ANO3: variants seen among roughly 807,000 people sequenced by gnomAD.
The protein encoded by ANO3 is anoctamin 3, also known as anoctamin-3.
Under a neutral mutation model 144.8 loss-of-function variants are expected in ANO3, and 99 were observed. The ratio of observed to expected loss-of-function variants is 0.68; its 90% CI spans 0.58 to 0.81. The LOEUF is 0.81. Among genes scored for constraint, ANO3 ranks in the 30% least tolerant of loss-of-function variants. ANO3 has a pLI of 0.00. For missense variants in ANO3, 905 were observed against 1,202.2 expected, an observed-to-expected ratio of 0.75 and a Z score of 3.66; for synonymous variants, 414 against 392.6, an observed-to-expected ratio of 1.05 and a Z score of -0.64.
At chr11:26,350,613 TAA>T (rs1855623596) in intron 1 of ANO3, among the ~76,000 whole-genome samples, 1 of 152,186 alleles carries the variant, frequency 6.6e-6, no homozygotes, top group South Asian at 2.1e-4. Context: ...CAATCTTTTT[TAA>T]AGTTTCCATA....
intron 3 of ANO3, among the ~76,000 whole-genome samples, chr11:26,458,450 G>A (rs1025306685): frequency 1.3e-5 from 2 of 152,050 alleles, no homozygotes; most frequent in Non-Finnish European, 1.5e-5. Context: ...GTTAAAATAG[G>A]TAACACAATT....
intron 1 of ANO3, among the ~76,000 whole-genome samples, chr11:26,410,062 AT>A (rs201982272): frequency 0.016 from 2,457 of 152,074 alleles, 34 homozygotes; most frequent in Non-Finnish European, 0.023. Context: ...TGCTGTTTAC[AT>A]TCATAAATGT....
In ANO3 at chr11:26,598,376, C is replaced by T. The variant is rs745803065; in HGVS notation, c.1459C>T (p.Leu487=). The change falls in exon 15 of 27, where the codon CTG becomes TTG. Residue 487 remains leucine (L), a synonymous_variant. Transcript: ENST00000256737. ...TTTATATTTTATAGCCACAGTCTTC[C>T]TGGAGTTTTGGAAAAGGAGAAGGAG... ...IFMAIWATVF[L]EFWKRRRSIL... 1 of 1,541,702 alleles carries T rather than the reference C, an allele frequency of 6.5e-7. No individual in the cohort carries two copies. The highest frequency in any genetic ancestry group is 1.9e-5 in the Admixed American group (1 of 51,842).
chr11:26,596,907 T>A (rs1193428172), intron 14 of ANO3, among the ~76,000 whole-genome samples: 1 of 152,074 alleles, frequency 6.6e-6, no homozygotes, highest in Admixed American at 6.5e-5. Flanking sequence ...CTAGGAAAAT[T>A]GTGAAAGCAG....
chr11:26,532,563 C>T (rs774807986), intron 8 of ANO3, among the ~76,000 whole-genome samples: 2 of 152,136 alleles, frequency 1.3e-5, no homozygotes, highest in Non-Finnish European at 2.9e-5. Context: ...GCCATAGTTA[C>T]TGCCCAGCAC....
intron 1 of ANO3, among the ~76,000 whole-genome samples, chr11:26,293,392 T>A (rs1004018695): frequency 6.6e-6 from 1 of 151,370 alleles, no homozygotes; most frequent in East Asian, 1.9e-4. Flanking sequence ...AGTGAGCATT[T>A]TTTCTCCCAA....
chr11:26,470,127 G>A (rs931050415), intron 4 of ANO3, among the ~76,000 whole-genome samples: 2 of 151,828 alleles, frequency 1.3e-5, no homozygotes, highest in Non-Finnish European at 2.9e-5. Flanking sequence ...TTCTGGGTGT[G>A]GTAGCTCATG....
intron 14 of ANO3, among the ~76,000 whole-genome samples, chr11:26,570,134 T>G (rs1445284190): frequency 6.6e-6 from 1 of 152,034 alleles, no homozygotes; most frequent in Non-Finnish European, 1.5e-5. Flanking sequence ...ATATTAACAT[T>G]TTTTTTGTTT....
At chr11:26,384,059 C>T (rs944749460) in intron 1 of ANO3, among the ~76,000 whole-genome samples, 8 of 151,270 alleles carry the variant, frequency 5.3e-5, no homozygotes, top group African/African-American at 1.5e-4. Context: ...CACCATAACC[C>T]GGCTAATTTT....
chr11:26,388,879 A>T (rs542566424), intron 1 of ANO3, among the ~76,000 whole-genome samples: 1 of 152,238 alleles, frequency 6.6e-6, no homozygotes, highest in East Asian at 1.9e-4. Context: ...ATCCCTGTAC[A>T]CACGTTTACT....
At chr11:26,364,174 GTTCCAAATCAAATAAGAAATTTTTT>G (rs1564983816) in intron 1 of ANO3, among the ~76,000 whole-genome samples, 6 of 152,122 alleles carry the variant, frequency 3.9e-5, no homozygotes. Context: ...CCTGGGTGCC[GTTCCAAATCAAATAAGAAATTTTTT>G]TTAGTTCCAT....
chr11:26,359,895 G>T (rs1169894899), intron 1 of ANO3, among the ~76,000 whole-genome samples: 1 of 151,716 alleles, frequency 6.6e-6, no homozygotes, highest in South Asian at 2.1e-4. Context: ...GTGTGTGTGT[G>T]TGTGTAAATT....
chr11:26,570,863 T>A (rs1850796143), intron 14 of ANO3, among the ~76,000 whole-genome samples: 1 of 152,096 alleles, frequency 6.6e-6, no homozygotes, highest in African/African-American at 2.4e-5. Flanking sequence ...ACATAAGACA[T>A]CCTTCTAAAA....
intron 8 of ANO3, among the ~76,000 whole-genome samples, 181 bp downstream of exon 8, chr11:26,531,517 A>T (rs1011595920): frequency 2.0e-5 from 3 of 152,190 alleles, no homozygotes; most frequent in Non-Finnish European, 2.9e-5. Flanking sequence ...TTCGCTATCA[A>T]TTTGATGATT....
intron 4 of ANO3, among the ~76,000 whole-genome samples, chr11:26,470,153 C>T (rs551453808): frequency 6.6e-6 from 1 of 151,924 alleles, no homozygotes; most frequent in African/African-American, 2.4e-5. Flanking sequence ...AATCCCAGCA[C>T]TTTGGGAGGC....
chr11:26,390,200 C>T (rs953888301), intron 1 of ANO3, among the ~76,000 whole-genome samples: 3 of 151,972 alleles, frequency 2.0e-5, no homozygotes, highest in Non-Finnish European at 2.9e-5. Context: ...TTTTAAGCTC[C>T]TTTTAGTGAA....
Position 26,656,155 on chromosome 11 carries a change from A to G in ANO3, c.2607A>G (p.Leu869=). 1 of 1,613,698 alleles carries G rather than the reference A, an allele frequency of 6.2e-7. No homozygotes were observed. ...TGAAGGGATATGTCAACAATAGCCT[A>G]TCCTTCTTTGACCTGAGTGAGCTTG... ...NCLKGYVNNS[L]SFFDLSELGM... The change falls in exon 25 of 27, where the codon CTA becomes CTG. Residue 869 remains leucine (L), a synonymous_variant. Coordinates refer to ENST00000256737, the MANE Select transcript of ANO3 (RefSeq NM_031418.4).
chr11:26,638,295 G>A (rs1432095882), intron 20 of ANO3, among the ~76,000 whole-genome samples: 1 of 152,152 alleles, frequency 6.6e-6, no homozygotes, highest in African/African-American at 2.4e-5. Flanking sequence ...CACCAGTGAT[G>A]TCATGTGCTT....
chr11:26,507,177 A>G (rs1354238687), intron 4 of ANO3, among the ~76,000 whole-genome samples: 2 of 152,054 alleles, frequency 1.3e-5, no homozygotes, highest in Admixed American at 6.5e-5. Flanking sequence ...GAGGACCATG[A>G]GGAAAATGTG....
Sources: allele counts gnomAD v4.1 joint callset (sites outside exome capture counted in the v4.1 genomes callset), GRCh38; gene constraint gnomAD v4.1.1; transcripts MANE v1.5; gene names NCBI Gene and HGNC (gene_info 2026-07-23, HGNC 2026-07-21).